Variants in ASPG observed in about 807,000 individuals in gnomAD.
ASPG encodes the protein 60 kDa lysophospholipase.
Under a neutral mutation model 63.2 loss-of-function variants are expected in ASPG, and 53 were observed. That is an observed-to-expected ratio of 0.84 (90% CI 0.67 to 1.05). ASPG has a LOEUF of 1.05. Among genes scored for constraint, ASPG ranks in the 50% least tolerant of loss-of-function variants. The pLI is 0.00. For missense variants in ASPG, 741 were observed against 794.4 expected (o/e 0.93, Z 0.81); for synonymous variants, 370 against 355.0 (o/e 1.04, Z -0.48).
chr14:104,108,748 C>A (rs185584782), intron 12 of ASPG: 19 of 985,400 alleles, frequency 1.9e-5, no homozygotes, highest in Non-Finnish European at 2.3e-5. Flanking sequence ...CAAGGGCAGT[C>A]GGCCGGATTG....
At chr14:104,107,035 G>A in intron 11 of ASPG, 141 bp downstream of exon 11, 1 of 1,323,704 alleles carries the variant, frequency 7.6e-7, no homozygotes, top group Non-Finnish European at 1.0e-6. Flanking sequence ...GGACTGTCCT[G>A]CCAGCTTGTC....
At chr14:104,108,642 C>G in intron 12 of ASPG, 1 of 985,458 alleles carries the variant, frequency 1.0e-6, no homozygotes, top group Non-Finnish European at 1.2e-6. Flanking sequence ...GTGTGGCCTC[C>G]GGCCTCGGGC....
chr14:104,111,380 C>T, intron 13 of ASPG, 122 bp from the exon 14 acceptor site: 2 of 1,052,788 alleles, frequency 1.9e-6, no homozygotes, highest in Non-Finnish European at 2.7e-6. Context: ...CAGGTCGCTG[C>T]TGGGTCAGCT....
intron 1 of ASPG, among the ~76,000 whole-genome samples, chr14:104,086,348 A>G (rs1359315899): frequency 1.3e-5 from 2 of 152,168 alleles, no homozygotes; most frequent in Admixed American, 6.5e-5. Context: ...GCTACCTGGC[A>G]TCTGCGGGGA....
Position 104,092,948 on chromosome 14 carries a change from C to T in ASPG, c.191+207C>T, listed in dbSNP as rs1166631277. The T allele has an allele frequency of 5.2e-6, 3 of 575,514 alleles. No homozygotes were observed. The East Asian group carries it at 8.5e-5, about 16-fold the overall frequency. 35.7% of individuals were successfully genotyped at this position (575,514 alleles called of 1,614,324 possible). On this transcript the variant is annotated intron_variant, in intron 2 of 15. Transcript: ENST00000551177. ...TGAGGGTGCCCCGTGCCTGGTCCCA[C>T]CTTCCCTCCCCACCCTCCTCCCACA... is the stretch of plus-strand genomic sequence containing the variant.
At chr14:104,094,907 C>T (rs773680960) in intron 3 of ASPG, among the ~76,000 whole-genome samples, 3 of 152,246 alleles carry the variant, frequency 2.0e-5, no homozygotes, top group South Asian at 2.1e-4. Context: ...AATGGCCCCC[C>T]GGGCAGGCCC....
At chr14:104,106,152 C>G (rs1293315895) in intron 10 of ASPG, among the ~76,000 whole-genome samples, 2 of 152,252 alleles carry the variant, frequency 1.3e-5, no homozygotes, top group East Asian at 3.8e-4. Flanking sequence ...CGTGCATGGC[C>G]TGTTATTAGG....
intron 6 of ASPG, among the ~76,000 whole-genome samples, chr14:104,101,565 T>C (rs2036877565): frequency 6.6e-6 from 1 of 151,976 alleles, no homozygotes; most frequent in Admixed American, 6.5e-5. Context: ...AGGCAAATCC[T>C]GCACCCTTAC....
At chr14:104,112,480 G>GCACTCTA in intron 15 of ASPG, 44 bp from the exon 16 acceptor site, 1 of 1,106,564 alleles carries the variant, frequency 9.0e-7, no homozygotes, top group Non-Finnish European at 1.4e-6. Flanking sequence ...CCCTGCCTTC[G>GCACTCTA]CACTCTACCT....
chr14:104,104,426 C>T lies in ASPG; in HGVS notation c.876C>T (p.Val292=). The T allele has an allele frequency of 5.0e-6, 8 of 1,612,592 alleles. No homozygotes were observed. The highest frequency in any genetic ancestry group is 6.8e-6 in the Non-Finnish European group (8 of 1,179,812). The change falls in exon 8 of 16, where the codon GTC becomes GTT. Residue 292 remains valine, a synonymous_variant. Transcript: ENST00000551177. The stretch of plus-strand genomic sequence containing the variant: ...GGGTGGCCACCGAGCGCGGCCTGGT[C>T]ATCGTCAACTGTACCCACTGCCTCC... ...ELRVATERGL[V]IVNCTHCLQG...
At chr14:104,098,103 G>C (rs5000041) in intron 5 of ASPG, among the ~76,000 whole-genome samples, 444 of 31,056 alleles carry the variant, frequency 0.014, 74 homozygotes, top group African/African-American at 0.071. Context: ...GAGGTTCTGC[G>C]TTAGAGATGC....
chr14:104,090,028 A>T (rs2036323631), intron 1 of ASPG, among the ~76,000 whole-genome samples: 1 of 151,770 alleles, frequency 6.6e-6, no homozygotes, highest in Non-Finnish European at 1.5e-5. Flanking sequence ...GCTGGTTTTG[A>T]ACTCCTGGGC....
chr14:104,103,442 C>T (rs911268321), intron 6 of ASPG, 121 bp from the exon 7 acceptor site: 45 of 846,712 alleles, frequency 5.3e-5, no homozygotes, highest in African/African-American at 6.9e-5. Context: ...GGCTGAGCCG[C>T]GAAGGCTCAG....
chr14:104,109,997 T>C lies in ASPG; in HGVS notation c.1520+682T>C, dbSNP rs2037318844. On this transcript the variant is annotated intron_variant, in intron 13 of 15. Coordinates refer to ENST00000551177, the MANE Select transcript of ASPG (RefSeq NM_001080464.3). This position sits in a 1 kb window ranked among gnomAD's most constrained non-coding sequence, Gnocchi z 4.8. Reference sequence around the variant, plus strand: ...TGGAGGTGGGCCAGGGATGCAGGGATCCTCCTCTGTCCGCCACAGCCAGAA... The same window carrying C: ...TGGAGGTGGGCCAGGGATGCAGGGACCCTCCTCTGTCCGCCACAGCCAGAA... 4 of 985,080 alleles carry C rather than the reference T, an allele frequency of 4.1e-6. No homozygotes were observed. Among genetic ancestry groups the C allele is most frequent in the Non-Finnish European group, 4.8e-6 (4 of 829,878 alleles). 61.0% of individuals were successfully genotyped at this position (985,080 alleles called of 1,614,324 possible).
At chr14:104,100,407 G>C (rs759083842) in intron 6 of ASPG, among the ~76,000 whole-genome samples, 1 of 152,158 alleles carries the variant, frequency 6.6e-6, no homozygotes, top group African/African-American at 2.4e-5. Context: ...TGACTTGCTT[G>C]TTGCCCCAGG....
rs1411686850 is a variant in ASPG, at chr14:104,114,778, G to GT, written c.*2235dup. 1 of 152,318 alleles carries GT rather than the reference G, an allele frequency of 6.6e-6. No homozygotes were observed. The highest frequency in any genetic ancestry group is 1.5e-5 in the Non-Finnish European group (1 of 68,106). The allele number at this position is 152,318 out of a possible 1,614,324, so 9.4% of individuals were successfully genotyped here. On this transcript the variant is annotated 3_prime_UTR_variant, in exon 16 of 16. Transcript: ENST00000551177. ...GGTGTGTTTCGTCCCCACTGTGCCT[G>GT]TAGGAGGGCACCGGGTCCCCGTCTA...
At chr14:104,112,449 G>A (rs2037409355) in intron 15 of ASPG, 75 bp from the exon 16 acceptor site, 2 of 872,592 alleles carry the variant, frequency 2.3e-6, no homozygotes, top group Non-Finnish European at 3.9e-6. Flanking sequence ...TACAGACGGG[G>A]TGCCTGGGCT....
rs1464633545 is a variant in ASPG at position 104,115,099 on chromosome 14, TCTC to T, written c.*2559_*2561del. The T allele has an allele frequency of 6.6e-6, 1 of 152,136 alleles. No individual in the cohort carries two copies. Among genetic ancestry groups the T allele is most frequent in the African/African-American group, 2.4e-5 (1 of 41,426 alleles). 9.4% of individuals were successfully genotyped at this position (152,136 alleles called of 1,614,324 possible). A position where few individuals can be genotyped will look rare whatever the true frequency, so the allele number is the denominator to read the frequency against. On this transcript the variant is annotated 3_prime_UTR_variant, in exon 16 of 16. Transcript: ENST00000551177. ...ATCCCAGGGCTATCTCTGGGGAACA[TCTC>T]CTCTCCATCACGACTACTGTCTTTT... is the stretch of plus-strand genomic sequence containing the variant.
chr14:104,099,168 C>T (rs1313233054), intron 6 of ASPG, among the ~76,000 whole-genome samples, 189 bp downstream of exon 6: 4 of 152,218 alleles, frequency 2.6e-5, no homozygotes, highest in Non-Finnish European at 4.4e-5. Context: ...TGCTGCGTGG[C>T]CACAGAGGTG....
Sources: allele counts gnomAD v4.1 joint callset (sites outside exome capture counted in the v4.1 genomes callset), GRCh38; gene constraint gnomAD v4.1.1; non-coding constraint Gnocchi (gnomAD v3.1); transcripts MANE v1.5; gene names NCBI Gene and HGNC (gene_info 2026-07-23, HGNC 2026-07-21).